The following TNNI3K variants were observed in gnomAD, a reference collection of about 807,000 sequenced individuals.
TNNI3K encodes TNNI3 interacting kinase, also known as serine/threonine-protein kinase TNNI3K.
Under a neutral mutation model 114.5 loss-of-function variants are expected in TNNI3K, and 140 were observed. The observed-to-expected ratio is 1.22, with a 90% confidence interval of 1.07 to 1.41. TNNI3K has a LOEUF of 1.41. Among genes scored for constraint, TNNI3K ranks in the 40% most tolerant of loss-of-function variants. The pLI is 0.00. For missense variants in TNNI3K, 1,125 were observed against 1,007.6 expected (o/e 1.12, Z -1.58); for synonymous variants, 347 against 347.5 (o/e 1.00, Z 0.02).
intron 11 of TNNI3K, among the ~76,000 whole-genome samples, chr1:74,359,267 T>G (rs1344837168): frequency 1.3e-5 from 2 of 152,052 alleles, no homozygotes; most frequent in East Asian, 3.9e-4. Context: ...AAGGATAAGA[T>G]TTAAGTGCTT....
At chr1:74,304,298 C>G (rs540438170) in intron 5 of TNNI3K, among the ~76,000 whole-genome samples, 6 of 152,122 alleles carry the variant, frequency 3.9e-5, no homozygotes, top group Non-Finnish European at 7.4e-5. Context: ...TAAGAAGTTT[C>G]CAAAGCCATT....
At chr1:74,536,927 A>G (rs543746536) in intron 23 of TNNI3K, among the ~76,000 whole-genome samples, 1 of 152,260 alleles carries the variant, frequency 6.6e-6, no homozygotes, top group South Asian at 2.1e-4. Context: ...CATCTGTGAA[A>G]TGCTTGCTGA....
At chr1:74,519,655 CT>C (rs199712931) in intron 23 of TNNI3K, among the ~76,000 whole-genome samples, 2,003 of 152,026 alleles carry the variant, frequency 0.013, 37 homozygotes, top group African/African-American at 0.043. Flanking sequence ...TTCTAAGAAT[CT>C]TTTTTATAAA....
chr1:74,370,349 C>T lies in TNNI3K; in HGVS notation c.1729C>T (p.Leu577Phe), dbSNP rs201010209. 6.2e-7 allele frequency: 1 copy of T among 1,607,848 alleles called. No homozygotes were observed. The highest frequency in any genetic ancestry group is 8.5e-7 in the Non-Finnish European group (1 of 1,176,340). Residue 577 changes from leucine (L) to phenylalanine (F), a missense_variant, in exon 17 of 25, where the codon CTT becomes TTT. Transcript: ENST00000326637. ...AGATGTTGCCAAAGGCATGGAGTAC[C>T]TTCACAACCTGACACAGCCAATTAT... is the stretch of plus-strand genomic sequence containing the variant. ...AVDVAKGMEY[L>F]HNLTQPIIHR...
At chr1:74,343,650 G>C (rs45496098) in intron 9 of TNNI3K, among the ~76,000 whole-genome samples, 2,293 of 152,156 alleles carry the variant, frequency 0.015, 52 homozygotes, top group African/African-American at 0.05. Flanking sequence ...CCATCTGTCA[G>C]CCTGTAAAAG....
intron 23 of TNNI3K, among the ~76,000 whole-genome samples, chr1:74,506,302 A>G (rs558225545): frequency 6.6e-6 from 1 of 152,300 alleles, no homozygotes; most frequent in African/African-American, 2.4e-5. Flanking sequence ...TTCTACAGCT[A>G]AGAGTTATTT....
At chr1:74,346,820 C>A (rs983360469) in intron 9 of TNNI3K, among the ~76,000 whole-genome samples, 3 of 151,698 alleles carry the variant, frequency 2.0e-5, no homozygotes, top group Non-Finnish European at 4.4e-5. Flanking sequence ...TCTCCTGCAG[C>A]CTCTTCCCTT....
chr1:74,343,308 C>A, intron 9 of TNNI3K, 129 bp downstream of exon 9: 1 of 1,031,392 alleles, frequency 9.7e-7, no homozygotes, highest in Non-Finnish European at 1.4e-6. Context: ...AGAGGTAGGG[C>A]AGAGGACAAA....
chr1:74,277,362 C>T (rs568864880), intron 5 of TNNI3K, among the ~76,000 whole-genome samples: 2 of 152,164 alleles, frequency 1.3e-5, no homozygotes, highest in South Asian at 2.1e-4. Context: ...TCCCCAGAGA[C>T]TCTTCTGTTT....
intron 23 of TNNI3K, among the ~76,000 whole-genome samples, chr1:74,503,543 G>A (rs1222205691): frequency 6.6e-6 from 1 of 152,122 alleles, no homozygotes; most frequent in African/African-American, 2.4e-5. Flanking sequence ...GTATAATGAG[G>A]AGAACAAGAT....
chr1:74,291,166 A>G (rs1005214142), intron 5 of TNNI3K, among the ~76,000 whole-genome samples: 12 of 151,562 alleles, frequency 7.9e-5, no homozygotes, highest in Non-Finnish European at 4.4e-5. Context: ...CTCTCTCTCT[A>G]TGGTAACTAT....
intron 24 of TNNI3K, among the ~76,000 whole-genome samples, chr1:74,542,459 C>T (rs1646738183): frequency 6.6e-6 from 1 of 152,170 alleles, no homozygotes; most frequent in Non-Finnish European, 1.5e-5. Context: ...TTTAGATCTG[C>T]TGATATGTAT....
chr1:74,435,612 A>T (rs1248182187), intron 17 of TNNI3K, among the ~76,000 whole-genome samples: 1 of 152,024 alleles, frequency 6.6e-6, no homozygotes, highest in Non-Finnish European at 1.5e-5. Flanking sequence ...GAATGTATTG[A>T]TCATGGCATT....
chr1:74,387,279 C>G (rs1287502649), intron 17 of TNNI3K, among the ~76,000 whole-genome samples: 1 of 152,098 alleles, frequency 6.6e-6, no homozygotes, highest in Non-Finnish European at 1.5e-5. Context: ...AGAATATACT[C>G]TGGGTCAAAG....
At chr1:74,368,291 G>A (rs1242977122) in intron 13 of TNNI3K, among the ~76,000 whole-genome samples, 1 of 151,546 alleles carries the variant, frequency 6.6e-6, no homozygotes, top group South Asian at 2.1e-4. Flanking sequence ...AAACATATGT[G>A]AAAAAATATA....
At chr1:74,371,188 G>A (rs1159076604) in intron 17 of TNNI3K, 2 of 151,838 alleles carry the variant, frequency 1.3e-5, no homozygotes, top group Non-Finnish European at 2.9e-5. Context: ...AATAGATTGT[G>A]TATATAGTCC....
chr1:74,352,871 C>G (rs996071670), intron 9 of TNNI3K, among the ~76,000 whole-genome samples: 2 of 152,172 alleles, frequency 1.3e-5, no homozygotes, highest in African/African-American at 2.4e-5. Context: ...TCTGTCACCC[C>G]TTTCTTTGAC....
At chr1:74,470,424 G>C (rs1173987331) in intron 21 of TNNI3K, 3 of 400,484 alleles carry the variant, frequency 7.5e-6, no homozygotes, top group Non-Finnish European at 1.3e-5. Context: ...CGTCATTTCT[G>C]GGCAATGCAT....
intron 2 of TNNI3K, among the ~76,000 whole-genome samples, chr1:74,241,945 A>G (rs1307274095): frequency 6.8e-6 from 1 of 147,646 alleles, no homozygotes; most frequent in Non-Finnish European, 1.5e-5. Flanking sequence ...CGCCTCCTGG[A>G]TTCACGCCAT....
Sources: allele counts gnomAD v4.1 joint callset (sites outside exome capture counted in the v4.1 genomes callset), GRCh38; gene constraint gnomAD v4.1.1; transcripts MANE v1.5; gene names NCBI Gene and HGNC (gene_info 2026-07-23, HGNC 2026-07-21).